The following EBPL variants were observed in gnomAD, a reference collection of about 807,000 sequenced individuals.
EBPL encodes emopamil-binding protein-like.
A neutral mutation model predicts 19.0 loss-of-function variants in EBPL; 20 were observed. That is an observed-to-expected ratio of 1.05 (90% CI 0.74 to 1.53). The LOEUF (loss-of-function observed/expected upper bound fraction) is 1.53, where lower values mean the gene tolerates loss of function less well. EBPL is among the 40% of genes most tolerant of loss of function. The pLI, the probability that EBPL is intolerant of heterozygous loss-of-function variation, is 0.00. For missense variants in EBPL, 219 were observed against 261.1 expected (o/e 0.84, Z 1.11); for synonymous variants, 107 against 117.0 (o/e 0.91, Z 0.55).
intron 1 of EBPL, among the ~76,000 whole-genome samples, chr13:49,685,036 G>A (rs1196583412): frequency 3.3e-5 from 5 of 152,172 alleles, no homozygotes; most frequent in Non-Finnish European, 7.3e-5. Context: ...CTCCTGAATA[G>A]CTGGGACTGC....
chr13:49,665,955 G>A (rs768432507), intron 2 of EBPL, among the ~76,000 whole-genome samples: 1 of 152,158 alleles, frequency 6.6e-6, no homozygotes, highest in Non-Finnish European at 1.5e-5. Flanking sequence ...TGTTGGTGAG[G>A]GATGGACTTC....
At chr13:49,674,632 A>T (rs982643680) in intron 1 of EBPL, among the ~76,000 whole-genome samples, 13 of 145,268 alleles carry the variant, frequency 8.9e-5, no homozygotes, top group African/African-American at 3.3e-4. Context: ...AAAAAAATTT[A>T]GAATAGGCCA....
chr13:49,676,571 G>A (rs867993000), intron 1 of EBPL, among the ~76,000 whole-genome samples: 13 of 151,740 alleles, frequency 8.6e-5, no homozygotes, highest in Middle Eastern at 3.4e-3. Flanking sequence ...CAGCCTGGGC[G>A]ACAGAGCAAG....
chr13:49,688,388 G>C (rs1020446167), intron 1 of EBPL, among the ~76,000 whole-genome samples: 1 of 152,076 alleles, frequency 6.6e-6, no homozygotes, highest in Non-Finnish European at 1.5e-5. Flanking sequence ...TCAATTTGAT[G>C]GCAGCCAAAA....
At chr13:49,674,341 T>A (rs1314614167) in intron 1 of EBPL, among the ~76,000 whole-genome samples, 1 of 152,104 alleles carries the variant, frequency 6.6e-6, no homozygotes, top group African/African-American at 2.4e-5. Context: ...TGACCTCAGG[T>A]GATCCACCTG....
chr13:49,684,681 A>T (rs998625590), intron 1 of EBPL, among the ~76,000 whole-genome samples: 6 of 152,244 alleles, frequency 3.9e-5, no homozygotes, highest in Non-Finnish European at 1.5e-5. Flanking sequence ...CTCAAAAAAT[A>T]AAATTAAATT....
At chr13:49,662,908 T>C in intron 3 of EBPL, 149 bp downstream of exon 3, 2 of 1,017,746 alleles carry the variant, frequency 2.0e-6, no homozygotes, top group Admixed American at 5.4e-5. Flanking sequence ...AGTGCTGGGA[T>C]TACAGGTGGG....
At chr13:49,672,275 T>C (rs942721411) in intron 1 of EBPL, among the ~76,000 whole-genome samples, 1 of 152,238 alleles carries the variant, frequency 6.6e-6, no homozygotes, top group Non-Finnish European at 1.5e-5. Context: ...GCCCTATCTC[T>C]TACTGTATTA....
chr13:49,687,474 C>T (rs1954011007), intron 1 of EBPL, among the ~76,000 whole-genome samples: 1 of 152,182 alleles, frequency 6.6e-6, no homozygotes, highest in African/African-American at 2.4e-5. Flanking sequence ...CCTGCACTGT[C>T]TGGGTCTCTG....
At chr13:49,682,974 T>C (rs559188134) in intron 1 of EBPL, among the ~76,000 whole-genome samples, 2 of 152,170 alleles carry the variant, frequency 1.3e-5, no homozygotes, top group East Asian at 3.9e-4. Context: ...CTTTCATTCA[T>C]TCATCCATGA....
chr13:49,665,026 G>T (rs922674597), intron 2 of EBPL, among the ~76,000 whole-genome samples: 2 of 151,876 alleles, frequency 1.3e-5, no homozygotes, highest in African/African-American at 4.8e-5. Flanking sequence ...TAGGTGAAAT[G>T]TACCAGTTAG....
rs1594409989 is a variant in EBPL, at chr13:49,673,993, C to A, written c.172-4147G>T. On this transcript the variant is annotated intron_variant, in intron 1 of 3. Transcript: ENST00000242827. ...CACACACACACACACACACACACACCACACAAAGAAACTGACAGTCTGAAA... is the reference window on the plus strand; with the variant it reads ...CACACACACACACACACACACACACAACACAAAGAAACTGACAGTCTGAAA... Among the ~76,000 whole-genome samples, 5 of 85,794 alleles carry A rather than the reference C, an allele frequency of 5.8e-5. No individual in the cohort carries two copies. In the South Asian group the frequency reaches 1.7e-3, roughly 30 times the overall value. 56.3% of individuals were successfully genotyped at this position (85,794 alleles called of 152,430 possible).
intron 2 of EBPL, chr13:49,668,670 G>A (rs1953773996): frequency 2.7e-6 from 1 of 368,612 alleles, no homozygotes; most frequent in Non-Finnish European, 5.2e-6. Context: ...TTATAAAGTG[G>A]TAAAAAAAAA....
At chr13:49,661,796 TG>T in intron 3 of EBPL, 2 of 1,527,264 alleles carry the variant, frequency 1.3e-6, no homozygotes, top group Non-Finnish European at 1.8e-6. Flanking sequence ...TAAAATTGGG[TG>T]GGGAAGGAAG....
At chr13:49,662,142 C>T (rs1346949615) in intron 3 of EBPL, among the ~76,000 whole-genome samples, 4 of 152,102 alleles carry the variant, frequency 2.6e-5, no homozygotes, top group Admixed American at 2.0e-4. Flanking sequence ...TACAGGCACC[C>T]GCCACCGTGC....
chr13:49,690,072 C>G (rs1189690241), intron 1 of EBPL, among the ~76,000 whole-genome samples: 2 of 151,492 alleles, frequency 1.3e-5, no homozygotes, highest in Non-Finnish European at 2.9e-5. Context: ...ATAGCTTTAA[C>G]CCAAGGGGCG....
At chr13:49,676,640 C>G (rs1371223292) in intron 1 of EBPL, among the ~76,000 whole-genome samples, 1 of 151,722 alleles carries the variant, frequency 6.6e-6, no homozygotes, top group Non-Finnish European at 1.5e-5. Context: ...AAGAAAGAAA[C>G]CCCGGTGAAT....
At chr13:49,691,203 C>T (rs1488955110) in intron 1 of EBPL, 51 bp downstream of exon 1, 61 of 1,278,664 alleles carry the variant, frequency 4.8e-5, no homozygotes, top group Non-Finnish European at 6.0e-5. Context: ...TTGCCGCCCC[C>T]GCTCCCACTC....
chr13:49,662,508 C>T (rs1167590720), intron 3 of EBPL, among the ~76,000 whole-genome samples: 1 of 152,204 alleles, frequency 6.6e-6, no homozygotes, highest in African/African-American at 2.4e-5. Flanking sequence ...AGCGTTAGCA[C>T]CATTCTTGCC....
Sources: gnomAD v4.1 joint callset for allele counts (sites outside exome capture counted in the v4.1 genomes callset) on GRCh38, gnomAD v4.1.1 for gene constraint, MANE v1.5 for transcripts, NCBI Gene and HGNC (gene_info 2026-07-23, HGNC 2026-07-21) for gene names.